Variants in UTP20 observed in about 807,000 individuals in gnomAD.
The protein encoded by UTP20 is small subunit processome component 20 homolog.
UTP20 carries 164 observed loss-of-function variants against 329.5 expected under a neutral mutation model. The observed-to-expected ratio is 0.50, with a 90% CI of 0.44 to 0.57. UTP20 has a LOEUF of 0.57. Ranked by LOEUF, UTP20 falls within the 20% of genes least tolerant of loss-of-function variation. The pLI, the probability that UTP20 is intolerant of heterozygous loss-of-function variation, is 0.00. For synonymous variants in UTP20, 1,151 were observed against 1,159.3 expected (o/e 0.99, Z 0.14); for missense variants, 3,055 against 3,284.2 (o/e 0.93, Z 1.71).
chr12:101,290,213 G>A lies in UTP20; in HGVS notation c.674G>A (p.Gly225Glu). ...CATCCAGAAAAAGTTGAAGGTGTTGGACAGTTGCTCTTTGAAATGTGCAAA... is the reference window on the plus strand; with the variant it reads ...CATCCAGAAAAAGTTGAAGGTGTTGAACAGTTGCTCTTTGAAATGTGCAAA... ...DKHPEKVEGV[G>E]QLLFEMCKGV... The change falls in exon 7 of 62, where the codon GGA (glycine) becomes GAA (glutamate). Residue 225 changes from glycine (G) to glutamate (E), a missense_variant. By Grantham distance (98) the Gly-to-Glu change is moderately conservative. This residue lies in a region of UTP20 where 2,445 missense variants were observed against 2,575.5 expected (regional missense o/e 0.95). Transcript: ENST00000261637. 6.2e-7 allele frequency: 1 copy of A among 1,608,600 alleles called. No individual in the cohort carries two copies. Among genetic ancestry groups the A allele is most frequent in the Non-Finnish European group, 8.5e-7 (1 of 1,177,330 alleles).
At chr12:101,288,660 T>C (rs1388731027) in intron 5 of UTP20, among the ~76,000 whole-genome samples, 1 of 152,194 alleles carries the variant, frequency 6.6e-6, no homozygotes, top group African/African-American at 2.4e-5. Flanking sequence ...ATACCAATAA[T>C]ATGGACTGCA....
intron 60 of UTP20, among the ~76,000 whole-genome samples, 172 bp downstream of exon 60, chr12:101,383,841 T>TACAC (rs375117313): frequency 4.9e-4 from 59 of 121,132 alleles, no homozygotes; most frequent in African/African-American, 1.2e-3. Flanking sequence ...TTTATATATA[T>TACAC]ACACACACAC....
chr12:101,289,704 A>G (rs2137232716), intron 6 of UTP20, among the ~76,000 whole-genome samples: 1 of 152,278 alleles, frequency 6.6e-6, no homozygotes, highest in East Asian at 1.9e-4. Context: ...AACTTTTCTA[A>G]TAGTTTCCTG....
At chr12:101,286,028 TACC>T (rs1871950432) in intron 4 of UTP20, 147 bp downstream of exon 4, 11 of 1,169,110 alleles carry the variant, frequency 9.4e-6, no homozygotes, top group Middle Eastern at 4.1e-4. Context: ...ATAAGTGCAT[TACC>T]ATAAAGTGGA....
chr12:101,320,965 T>C (rs2305856), intron 24 of UTP20, 28 bp downstream of exon 24: 118,202 of 1,561,510 alleles, frequency 0.076, 17,535 homozygotes, highest in East Asian at 0.54. Flanking sequence ...TAAAGAACTG[T>C]TATTTCTTCA....
At chr12:101,334,289 T>G in intron 28 of UTP20, 136 bp from the exon 29 acceptor site, 1 of 669,356 alleles carries the variant, frequency 1.5e-6, no homozygotes, top group East Asian at 2.9e-5. Flanking sequence ...TTTTTCTTAT[T>G]GTGTCATTTG....
intron 49 of UTP20, 101 bp from the exon 50 acceptor site, chr12:101,370,331 T>C: frequency 7.2e-7 from 1 of 1,380,806 alleles, no homozygotes; most frequent in Non-Finnish European, 9.7e-7. Flanking sequence ...TGGCACCCTG[T>C]TTGGAAAAGC....
In UTP20 at chr12:101,317,652, A is replaced by T. The variant is rs760481676; in HGVS notation, c.2727A>T (p.Arg909Ser). The T allele has an allele frequency of 2.2e-5, 36 of 1,609,150 alleles. No homozygotes were observed. The highest frequency in any genetic ancestry group is 2.9e-5 in the Non-Finnish European group (34 of 1,177,994). ...DESSQKKKTR[R>S]AAAKQLIAHL... ...CCTCACAGAAGAAAAAGACGAGGAG[A>T]GCTGCAGCAAAGTAAGTTCACCATT... Residue 909 changes from arginine (R) to serine (S), a missense_variant, in exon 22 of 62, where the codon AGA becomes AGT. Arg to Ser is a moderately radical substitution (Grantham distance 110, BLOSUM62 -1). This residue lies in a region of UTP20 where 2,445 missense variants were observed against 2,575.5 expected (regional missense o/e 0.95). Transcript: ENST00000261637.
At chr12:101,370,261 A>G (rs1870240491) in intron 49 of UTP20, among the ~76,000 whole-genome samples, 171 bp from the exon 50 acceptor site, 1 of 152,106 alleles carries the variant, frequency 6.6e-6, no homozygotes, top group South Asian at 2.1e-4. Context: ...AGTTTTCCCC[A>G]TTGCCCTTTG....
chr12:101,344,504 C>A, intron 35 of UTP20, 91 bp from the exon 36 acceptor site: 1 of 725,232 alleles, frequency 1.4e-6, no homozygotes, highest in Admixed American at 2.3e-5. Flanking sequence ...AGCACAGTGA[C>A]AGAATTTTGT....
rs1368226418 is a variant in UTP20, at chr12:101,373,487, G to A, written c.6948+17G>A. 3.7e-6 allele frequency: 6 copies of A among 1,614,142 alleles called. No homozygotes were observed. Among genetic ancestry groups the A allele is most frequent in the Non-Finnish European group, 5.1e-6 (6 of 1,180,006 alleles). ...TTCCCTCAGGTACTGTGACCCCAGA[G>A]ATAAGCCCCGTGACTCCTGGAAGTC... On this transcript the variant is annotated intron_variant, in intron 53 of 61. Transcript: ENST00000261637.
chr12:101,355,406 A>C (rs1869686412), intron 41 of UTP20, among the ~76,000 whole-genome samples: 1 of 152,228 alleles, frequency 6.6e-6, no homozygotes, highest in Non-Finnish European at 1.5e-5. Context: ...GGTTATTAAA[A>C]ATTAGAATGT....
In UTP20 at chr12:101,288,979, G is replaced by T; in HGVS notation, c.535G>T (p.Ala179Ser). ...GTATAGCATGTACAGCACACTCCTG[G>T]CTCATAAAAAACTACATATAAGAAA... Reference protein sequence around the residue: ...SIYSMYSTLLAHKKLHIRNFA... With the variant: ...SIYSMYSTLLSHKKLHIRNFA... Residue 179 changes from alanine to serine, a missense_variant, in exon 6 of 62, where the codon GCT becomes TCT. This residue lies in a region of UTP20 where 2,445 missense variants were observed against 2,575.5 expected (regional missense o/e 0.95). Coordinates refer to ENST00000261637, the MANE Select transcript of UTP20 (RefSeq NM_014503.3). 6.2e-7 allele frequency: 1 copy of T among 1,613,764 alleles called. No individual in the cohort carries two copies. Among genetic ancestry groups the T allele is most frequent in the Non-Finnish European group, 8.5e-7 (1 of 1,179,880 alleles).
At position 101,385,595 on chromosome 12, in the gene UTP20, A is replaced by G. The variant is rs766861815; in HGVS notation, c.8069A>G (p.Lys2690Arg). 6.2e-7 allele frequency: 1 copy of G among 1,611,794 alleles called. No homozygotes were observed. Among genetic ancestry groups the G allele is most frequent in the African/African-American group, 1.3e-5 (1 of 74,712 alleles). The change falls in exon 61 of 62, where the codon AAG (lysine) becomes AGG (arginine). Residue 2690 changes from lysine (K) to arginine (R), a missense_variant. Transcript: ENST00000261637. ...TGTGTGTGATTAGATCCTTTGCTGAAGAATCTATCCCAGGAAATCATAGAA... is the reference window on the plus strand; with the variant it reads ...TGTGTGTGATTAGATCCTTTGCTGAGGAATCTATCCCAGGAAATCATAGAA... ...STYSEQDPLL[K>R]NLSQEIIELL...
At chr12:101,376,384 C>T (rs762887260) in intron 56 of UTP20, among the ~76,000 whole-genome samples, 1 of 152,102 alleles carries the variant, frequency 6.6e-6, no homozygotes, top group East Asian at 1.9e-4. Flanking sequence ...TATTGTTATG[C>T]GATTTTGTTG....
Position 101,372,947 on chromosome 12 carries a change from A to G in UTP20, c.6862A>G (p.Met2288Val), listed in dbSNP as rs754729985. Reference sequence around the variant, plus strand: ...CAAATTGAGACCAAACTTGGAATTCATGCTCGCTCAACTGAAGTAAGCTTA... The same window carrying G: ...CAAATTGAGACCAAACTTGGAATTCGTGCTCGCTCAACTGAAGTAAGCTTA... ...GDKLRPNLEFMLAQLNYEHET... is the reference protein window; with the variant it reads ...GDKLRPNLEFVLAQLNYEHET... Residue 2288 changes from methionine (M) to valine (V), a missense_variant, in exon 52 of 62, where the codon ATG becomes GTG. Physicochemically the swap from Met to Val is conservative, Grantham distance 21. Around this residue, in one of 3 missense-constraint regions of UTP20, gnomAD observed 273 missense variants for 363.1 expected, o/e 0.75. Coordinates refer to ENST00000261637, the MANE Select transcript of UTP20 (RefSeq NM_014503.3). 6.2e-7 allele frequency: 1 copy of G among 1,614,082 alleles called. No individual in the cohort carries two copies. The highest frequency in any genetic ancestry group is 2.2e-5 in the East Asian group (1 of 44,878).
At chr12:101,331,246 C>T (rs1289691095) in intron 27 of UTP20, among the ~76,000 whole-genome samples, 1 of 152,116 alleles carries the variant, frequency 6.6e-6, no homozygotes, top group Non-Finnish European at 1.5e-5. Context: ...ATAGAACATG[C>T]AGATTGTACC....
intron 17 of UTP20, among the ~76,000 whole-genome samples, chr12:101,307,583 G>T (rs1267992898): frequency 1.3e-5 from 2 of 152,098 alleles, no homozygotes; most frequent in Non-Finnish European, 1.5e-5. Flanking sequence ...TGCCATGTTG[G>T]CAAGGCTGGT....
chr12:101,373,873 A>G (rs919764113), intron 54 of UTP20, 106 bp downstream of exon 54: 2 of 1,274,876 alleles, frequency 1.6e-6, no homozygotes, highest in Admixed American at 2.7e-5. Context: ...TTTTTCCCAA[A>G]TAGTGTTATT....
Sources: allele counts gnomAD v4.1 joint callset (sites outside exome capture counted in the v4.1 genomes callset), GRCh38; gene constraint gnomAD v4.1.1; regional missense constraint gnomAD v4.1.1; transcripts MANE v1.5; gene names NCBI Gene and HGNC (gene_info 2026-07-23, HGNC 2026-07-21).